The following TBC1D4 variants were observed in gnomAD, a reference collection of about 807,000 sequenced individuals.
TBC1D4 encodes the protein TBC (Tre-2, BUB2, CDC16) domain-containing protein.
In TBC1D4, 121 loss-of-function variants were observed where a neutral mutation model predicts 142.5. That is an observed-to-expected ratio of 0.85 (90% confidence interval 0.73 to 0.99). The LOEUF (loss-of-function observed/expected upper bound fraction) is 0.99. Among genes scored for constraint, TBC1D4 ranks in the 50% least tolerant of loss-of-function variants. The probability of loss-of-function intolerance (pLI) is 0.00; values close to 1 mark genes in which losing one functional copy is unlikely to be tolerated. For synonymous variants in TBC1D4, 630 were observed against 628.2 expected (o/e 1.00, Z -0.04); for missense variants, 1,475 against 1,606.6 (o/e 0.92, Z 1.40).
chr13:75,345,604 T>TA (rs1343006294), intron 5 of TBC1D4, among the ~76,000 whole-genome samples: 1 of 152,064 alleles, frequency 6.6e-6, no homozygotes, highest in Non-Finnish European at 1.5e-5. Flanking sequence ...AAAAGGTATC[T>TA]AAAACTGGCC....
intron 1 of TBC1D4, among the ~76,000 whole-genome samples, chr13:75,436,623 C>T (rs936386978): frequency 1.7e-4 from 26 of 151,480 alleles, no homozygotes; most frequent in African/African-American, 6.3e-4. Context: ...CACCACTGCA[C>T]TCCAGCCTGG....
At chr13:75,344,873 T>C (rs1881023222) in intron 5 of TBC1D4, among the ~76,000 whole-genome samples, 1 of 152,230 alleles carries the variant, frequency 6.6e-6, no homozygotes, top group African/African-American at 2.4e-5. Flanking sequence ...TCTGGTTTTT[T>C]AAAATATCTT....
At chr13:75,360,476 T>C (rs2138163799) in intron 2 of TBC1D4, among the ~76,000 whole-genome samples, 1 of 136,846 alleles carries the variant, frequency 7.3e-6, no homozygotes, top group Middle Eastern at 3.7e-3. Flanking sequence ...GTCAAGGCTG[T>C]AGTGAGCTGT....
intron 5 of TBC1D4, among the ~76,000 whole-genome samples, chr13:75,346,509 G>A (rs1484631495): frequency 2.0e-5 from 3 of 152,116 alleles, no homozygotes; most frequent in African/African-American, 4.8e-5. Context: ...AGCATTCCAC[G>A]GTGTATATGT....
intron 16 of TBC1D4, among the ~76,000 whole-genome samples, chr13:75,301,413 G>A (rs936406723): frequency 1.6e-4 from 24 of 152,042 alleles, no homozygotes; most frequent in South Asian, 6.2e-4. Context: ...AGGCCGAGGC[G>A]GGTGGATCAC....
intron 1 of TBC1D4, among the ~76,000 whole-genome samples, chr13:75,458,109 G>A (rs1233549307): frequency 6.6e-6 from 1 of 152,130 alleles, no homozygotes; most frequent in Non-Finnish European, 1.5e-5. Flanking sequence ...TGGTACCCGG[G>A]TCCTTGTCTG....
chr13:75,323,507 G>A (rs1202799885), intron 11 of TBC1D4, among the ~76,000 whole-genome samples: 2 of 151,918 alleles, frequency 1.3e-5, no homozygotes, highest in Non-Finnish European at 2.9e-5. Context: ...TTTAAAAAAA[G>A]CAATTCTCCA....
chr13:75,456,109 G>A (rs909345235), intron 1 of TBC1D4, among the ~76,000 whole-genome samples: 3 of 151,810 alleles, frequency 2.0e-5, no homozygotes, highest in Non-Finnish European at 4.4e-5. Flanking sequence ...TTATAGGCAT[G>A]CACCACTCCC....
chr13:75,452,211 T>C (rs528800831), intron 1 of TBC1D4, among the ~76,000 whole-genome samples: 1 of 152,188 alleles, frequency 6.6e-6, no homozygotes, highest in African/African-American at 2.4e-5. Flanking sequence ...ATGCTGGGGA[T>C]TACTCAGTAA....
chr13:75,481,215 CT>C, intron 1 of TBC1D4, 54 bp downstream of exon 1: 12 of 1,244,322 alleles, frequency 9.6e-6, no homozygotes, highest in Non-Finnish European at 1.4e-5. Context: ...TCCCGCCCTG[CT>C]CCCCGATCCC....
intron 1 of TBC1D4, among the ~76,000 whole-genome samples, chr13:75,393,904 G>A (rs1212519258): frequency 1.4e-5 from 2 of 140,622 alleles, no homozygotes; most frequent in East Asian, 4.1e-4. Flanking sequence ...TCCAGCCTGG[G>A]CAACAAGAGC....
chr13:75,446,285 T>C (rs1252725833), intron 1 of TBC1D4, among the ~76,000 whole-genome samples: 1 of 152,240 alleles, frequency 6.6e-6, no homozygotes, highest in Non-Finnish European at 1.5e-5. Context: ...AGGAGACGAT[T>C]CCGTAGCTTT....
Position 75,460,503 on chromosome 13 carries a change from G to A in TBC1D4, c.498+20767C>T, listed in dbSNP as rs566973601. ...ATGTGGAAGGCCAGGTGGGCACGAG[G>A]AATGATGAGAAGTTCAGAGAGCTGG... On this transcript the variant is annotated intron_variant, in intron 1 of 20. Transcript: ENST00000377636. Among the ~76,000 whole-genome samples the A allele has an allele frequency of 3.3e-5, 5 of 152,316 alleles. No homozygotes were observed. The South Asian group carries it at 6.2e-4, about 19-fold the overall frequency.
chr13:75,372,733 ATT>A (rs1566437866), intron 1 of TBC1D4, among the ~76,000 whole-genome samples: 2 of 152,330 alleles, frequency 1.3e-5, no homozygotes, highest in African/African-American at 4.8e-5. Flanking sequence ...ATAAAATATT[ATT>A]ACTACTGCTC....
chr13:75,297,871 A>G (rs1469732140), intron 17 of TBC1D4, among the ~76,000 whole-genome samples: 4 of 152,180 alleles, frequency 2.6e-5, no homozygotes, highest in African/African-American at 4.8e-5. Flanking sequence ...ATAGTCATCA[A>G]TGAGGAATCA....
intron 1 of TBC1D4, among the ~76,000 whole-genome samples, chr13:75,403,590 C>A (rs1885200572): frequency 1.3e-5 from 2 of 152,144 alleles, no homozygotes; most frequent in Admixed American, 6.5e-5. Flanking sequence ...AGAAAATGAG[C>A]TACTCCTTAC....
chr13:75,433,070 A>C (rs1169164352), intron 1 of TBC1D4, among the ~76,000 whole-genome samples: 2 of 152,110 alleles, frequency 1.3e-5, no homozygotes, highest in Non-Finnish European at 2.9e-5. Flanking sequence ...ACCCTACTTC[A>C]CTTACACTTA....
chr13:75,406,744 C>G (rs929032323), intron 1 of TBC1D4, among the ~76,000 whole-genome samples: 1 of 152,180 alleles, frequency 6.6e-6, no homozygotes, highest in African/African-American at 2.4e-5. Flanking sequence ...CAGTTCCCTC[C>G]ATACCAAATT....
At chr13:75,466,212 T>G (rs1175007406) in intron 1 of TBC1D4, among the ~76,000 whole-genome samples, 1 of 152,206 alleles carries the variant, frequency 6.6e-6, no homozygotes, top group Non-Finnish European at 1.5e-5. Flanking sequence ...ATAAGTGGTC[T>G]TTTCTCCTTT....
Sources: gnomAD v4.1 joint callset for allele counts (sites outside exome capture counted in the v4.1 genomes callset) on GRCh38, gnomAD v4.1.1 for gene constraint, MANE v1.5 for transcripts, NCBI Gene and HGNC (gene_info 2026-07-23, HGNC 2026-07-21) for gene names.